PSMG2: variants seen among roughly 807,000 people sequenced by gnomAD.
PSMG2 encodes CD40 ligand-activated specific transcript 3.
A neutral mutation model predicts 31.5 loss-of-function variants in PSMG2; 21 were observed. That is an observed-to-expected ratio of 0.67 (90% CI 0.47 to 0.96). The LOEUF is 0.96. PSMG2 is among the 40% of genes least tolerant of loss of function. PSMG2 has a pLI of 0.00. For missense variants in PSMG2, 318 were observed against 321.2 expected (o/e 0.99, Z 0.08); for synonymous variants, 120 against 110.4 (o/e 1.09, Z -0.54).
chr18:12,685,627 A>G (rs1326004182), intron 1 of PSMG2: 1 of 146,226 alleles, frequency 6.8e-6, no homozygotes, highest in African/African-American at 2.5e-5. Context: ...CAAGGCTTAT[A>G]TAAAATAGTA....
chr18:12,700,598 A>T (rs1477265682), upstream of PSMG2, among the ~76,000 whole-genome samples: 2 of 152,220 alleles, frequency 1.3e-5, no homozygotes, highest in African/African-American at 4.8e-5. Flanking sequence ...AAGAGTGCTT[A>T]TTTTAAAAAT....
At chr18:12,668,534 G>A (rs1250831183) in intron 1 of PSMG2, among the ~76,000 whole-genome samples, 1 of 135,782 alleles carries the variant, frequency 7.4e-6, no homozygotes, top group Admixed American at 8.4e-5. Flanking sequence ...GGAGGTAGAG[G>A]TTGCAGGGAG....
chr18:12,686,186 T>C (rs1298301982), intron 1 of PSMG2: 43 of 1,231,774 alleles, frequency 3.5e-5, no homozygotes, highest in Non-Finnish European at 4.9e-5. Context: ...TTCTAAGGCA[T>C]TCTTTTACAA....
upstream of PSMG2, chr18:12,701,114 C>G (rs1159349405): frequency 6.2e-7 from 1 of 1,607,356 alleles, no homozygotes; most frequent in African/African-American, 1.3e-5. Flanking sequence ...GGACATCCAT[C>G]TATGTAGAAA....
At chr18:12,658,844 C>G in intron 1 of PSMG2, 1 of 322,288 alleles carries the variant, frequency 3.1e-6, no homozygotes. Flanking sequence ...AAACCAGCGC[C>G]TGGAATATAA....
At chr18:12,674,347 T>C (rs1598614796) in intron 1 of PSMG2, among the ~76,000 whole-genome samples, 1 of 146,164 alleles carries the variant, frequency 6.8e-6, no homozygotes, top group Non-Finnish European at 1.5e-5. Context: ...GAGGGTGAGG[T>C]GGAAGGGTCA....
rs1273211613 is a variant in PSMG2 at position 12,720,153 on chromosome 18, C to T, written c.408-357C>T. On this transcript the variant is annotated intron_variant, in intron 4 of 6. Transcript: ENST00000317615. ...CTGTTTTAGATGATGTAGATCATAACTTTTATCACTTAGACACCTATAAAA... is the reference window on the plus strand; with the variant it reads ...CTGTTTTAGATGATGTAGATCATAATTTTTATCACTTAGACACCTATAAAA... Among the ~76,000 whole-genome samples, 9 of 152,266 alleles carry T rather than the reference C, an allele frequency of 5.9e-5. No individual in the cohort carries two copies. In the East Asian group the frequency reaches 1.7e-3, roughly 29 times the overall value.
rs576969792 is a variant in PSMG2, at chr18:12,709,992, G to A, written c.230-2710G>A. ...GAGTCTTGCTCTGTCGCCCAGTCTG[G>A]AGTGCGGTGGCACGATCTCGGCTCA... On this transcript the variant is annotated intron_variant, in intron 2 of 6. Transcript: ENST00000317615. Among the ~76,000 whole-genome samples the A allele has an allele frequency of 4.8e-5, 7 of 146,816 alleles. No individual in the cohort carries two copies. In the East Asian group the frequency reaches 1.4e-3, roughly 30 times the overall value.
At chr18:12,701,109 T>C (rs566284671), upstream of PSMG2, 2 of 1,608,680 alleles carry the variant, frequency 1.2e-6, no homozygotes, top group African/African-American at 2.7e-5. Context: ...ACCATGGACA[T>C]CCATCTATGT....
chr18:12,719,105 C>T (rs1036938828), intron 4 of PSMG2, among the ~76,000 whole-genome samples: 1 of 152,116 alleles, frequency 6.6e-6, no homozygotes, highest in East Asian at 1.9e-4. Flanking sequence ...GAGACAGGGT[C>T]TAGCTATGTT....
intron 2 of PSMG2, among the ~76,000 whole-genome samples, chr18:12,709,655 C>T (rs201172225): frequency 6.6e-6 from 1 of 152,054 alleles, no homozygotes; most frequent in East Asian, 1.9e-4. Context: ...CACGCCCCCA[C>T]GCCCAGCTAA....
intron 2 of PSMG2, among the ~76,000 whole-genome samples, chr18:12,710,440 T>C (rs1188124060): frequency 6.6e-6 from 1 of 152,244 alleles, no homozygotes; most frequent in East Asian, 1.9e-4. Flanking sequence ...CAAAATGTTT[T>C]CGTAAGTACA....
rs1327563614 is a variant in PSMG2 at position 12,690,283 on chromosome 18, A to G, written c.-36-16267A>G. 2.0e-5 allele frequency among the ~76,000 whole-genome samples: 3 copies of G among 152,204 alleles called. No homozygotes were observed. In the East Asian group the frequency reaches 5.8e-4, roughly 29 times the overall value. On this transcript the variant is annotated intron_variant, in intron 1 of 6. Transcript: ENST00000585331. ...CTAAACCACTTTTAGCCTGTTCCAA[A>G]ATCTAGGGAAAGTAGGGTAAAGCTG...
At chr18:12,701,184 G>A (rs2040138271), upstream of PSMG2, 1 of 1,151,016 alleles carries the variant, frequency 8.7e-7, no homozygotes. Context: ...AAGTTTTAAG[G>A]TTCTCCAGCT....
chr18:12,697,518 G>T, intron 1 of PSMG2: 1 of 737,084 alleles, frequency 1.4e-6, no homozygotes. Context: ...AAACCAAAGA[G>T]AACAATTTGC....
rs747003071 is a variant in PSMG2, at chr18:12,669,456, C to G, written c.-37+10683C>G. On this transcript the variant is annotated intron_variant, in intron 1 of 6. Coordinates refer to the PSMG2 transcript ENST00000585331. Reference sequence around the variant, plus strand: ...AGAGATGCCATCTCACTATGTTGACCAGGCTGTGCTCAAATTTTTATTCAA... The same window carrying G: ...AGAGATGCCATCTCACTATGTTGACGAGGCTGTGCTCAAATTTTTATTCAA... 5.9e-5 allele frequency among the ~76,000 whole-genome samples: 9 copies of G among 151,960 alleles called. No homozygotes were observed. In the South Asian group the frequency reaches 6.3e-4, roughly 11 times the overall value.
At chr18:12,715,158 G>A (rs1056219534) in intron 3 of PSMG2, among the ~76,000 whole-genome samples, 14 of 150,544 alleles carry the variant, frequency 9.3e-5, no homozygotes, top group Non-Finnish European at 1.5e-4. Flanking sequence ...ACAGGTGCCC[G>A]CCACCACACC....
chr18:12,721,177 CAAAAAGAA>C (rs2040428058), intron 5 of PSMG2, among the ~76,000 whole-genome samples: 1 of 151,570 alleles, frequency 6.6e-6, no homozygotes, highest in Admixed American at 6.6e-5. Context: ...GACTCCGTCT[CAAAAAGAA>C]AAAAAGAAAA....
upstream of PSMG2, among the ~76,000 whole-genome samples, chr18:12,701,496 G>A (rs1190972194): frequency 6.6e-6 from 1 of 152,122 alleles, no homozygotes; most frequent in African/African-American, 2.4e-5. Context: ...GTAACCTCAA[G>A]CCAACTTATT....
Sources: gnomAD v4.1 joint callset for allele counts (sites outside exome capture counted in the v4.1 genomes callset) on GRCh38, gnomAD v4.1.1 for gene constraint, MANE v1.5 for transcripts, NCBI Gene and HGNC (gene_info 2026-07-23, HGNC 2026-07-21) for gene names.